Variants in MRPS35 observed in about 807,000 individuals in gnomAD.
MRPS35 encodes the protein mitochondrial ribosomal protein S35, also known as small ribosomal subunit protein mS35.
MRPS35 carries 29 observed loss-of-function variants against 32.7 expected under a neutral mutation model. That is an observed-to-expected ratio of 0.89 (90% CI 0.66 to 1.21). MRPS35 has a LOEUF of 1.21. Among genes scored for constraint, MRPS35 ranks in the 50% most tolerant of loss-of-function variants. The pLI is 0.00. For synonymous variants in MRPS35, 148 were observed against 139.3 expected (o/e 1.06, Z -0.44); for missense variants, 373 against 383.8 (o/e 0.97, Z 0.23).
In MRPS35 at chr12:27,716,398, G is replaced by A. The variant is rs1176276127; in HGVS notation, c.261G>A (p.Met87Ile). Residue 87 changes from methionine to isoleucine, a missense_variant, in exon 3 of 8, where the codon ATG becomes ATA. Transcript: ENST00000081029. ...CTGCAGTACCTCTTCCTGTTCGAAT[G>A]GGTTATCCAGTAAAAAAGGGCGTGC... ...KPSAVPLPVR[M>I]GYPVKKGVPM... 4 of 1,614,108 alleles carry A rather than the reference G, an allele frequency of 2.5e-6. No individual in the cohort carries two copies. The highest frequency in any genetic ancestry group is 2.2e-5 in the South Asian group (2 of 91,086).
At chr12:27,748,147 T>G (rs2061987454) in intron 7 of MRPS35, among the ~76,000 whole-genome samples, 1 of 152,240 alleles carries the variant, frequency 6.6e-6, no homozygotes, top group African/African-American at 2.4e-5. Context: ...CTCGATTGTG[T>G]TAAGCCCTTT....
chr12:27,716,331 A>G lies in MRPS35; in HGVS notation c.194A>G (p.Asp65Gly). 1 of 1,613,812 alleles carries G rather than the reference A, an allele frequency of 6.2e-7. No homozygotes were observed. Among genetic ancestry groups the G allele is most frequent in the South Asian group, 1.1e-5 (1 of 90,940 alleles). ...ACAGAGAAAATGGCTGTTGACCAGGACTGGCCTAGTGTTTACCCAGTTGCA... is the reference window on the plus strand; with the variant it reads ...ACAGAGAAAATGGCTGTTGACCAGGGCTGGCCTAGTGTTTACCCAGTTGCA... ...PRTEKMAVDQ[D>G]WPSVYPVAAP... Residue 65 changes from aspartate (D) to glycine (G), a missense_variant, in exon 3 of 8, where the codon GAC (aspartate) becomes GGC (glycine). Physicochemically the swap from Asp to Gly is moderately conservative, Grantham distance 94 (BLOSUM62 -1). Coordinates refer to ENST00000081029, the MANE Select transcript of MRPS35 (RefSeq NM_021821.4).
chr12:27,746,745 G>T (rs891974486), intron 7 of MRPS35, among the ~76,000 whole-genome samples: 1 of 152,146 alleles, frequency 6.6e-6, no homozygotes, highest in Non-Finnish European at 1.5e-5. Flanking sequence ...CCCACCCAGT[G>T]GCTGAAGTAA....
intron 7 of MRPS35, among the ~76,000 whole-genome samples, chr12:27,753,338 C>T (rs1308548377): frequency 6.6e-6 from 1 of 152,054 alleles, no homozygotes; most frequent in Non-Finnish European, 1.5e-5. Context: ...GTGATCTGAG[C>T]AGGGTTTGCT....
In MRPS35 at chr12:27,735,451, A is replaced by C. The variant is rs966378463; in HGVS notation, c.527A>C (p.Lys176Thr). ...PRARVVVLRV[K>T]LSSLNLDDHA... ...ATAACTTTTCTTATTTTTAAGGTAA[A>C]GCTTTCCAGTTTGAATTTAGATGAT... The change falls in exon 6 of 8, where the codon AAG (lysine) becomes ACG (threonine). Residue 176 changes from lysine to threonine, a missense_variant. Lys to Thr is a moderately conservative substitution (Grantham distance 78). Coordinates refer to ENST00000081029, the MANE Select transcript of MRPS35 (RefSeq NM_021821.4). 8.7e-6 allele frequency: 14 copies of C among 1,600,044 alleles called. No individual in the cohort carries two copies. Among genetic ancestry groups the C allele is most frequent in the Non-Finnish European group, 1.2e-5 (14 of 1,174,186 alleles).
At chr12:27,753,704 A>G (rs1311681737) in intron 7 of MRPS35, among the ~76,000 whole-genome samples, 1 of 149,822 alleles carries the variant, frequency 6.7e-6, no homozygotes, top group Non-Finnish European at 1.5e-5. Flanking sequence ...GAATATTATT[A>G]TGTGTTAATT....
At chr12:27,732,117 C>T (rs905745571) in intron 5 of MRPS35, among the ~76,000 whole-genome samples, 2 of 152,130 alleles carry the variant, frequency 1.3e-5, no homozygotes, top group African/African-American at 4.8e-5. Context: ...ACCTATTTTT[C>T]ATAATAATGG....
chr12:27,747,961 G>T (rs2061986892), intron 7 of MRPS35, among the ~76,000 whole-genome samples: 1 of 152,174 alleles, frequency 6.6e-6, no homozygotes. Flanking sequence ...GGCTTCAGCT[G>T]CCTGATCTGT....
chr12:27,715,951 G>A (rs1170487350), intron 2 of MRPS35, among the ~76,000 whole-genome samples: 2 of 152,022 alleles, frequency 1.3e-5, no homozygotes, highest in East Asian at 1.9e-4. Context: ...AAAGAAGTTC[G>A]AAAAATTATT....
At chr12:27,731,136 G>T (rs758162232) in intron 5 of MRPS35, among the ~76,000 whole-genome samples, 3 of 152,084 alleles carry the variant, frequency 2.0e-5, no homozygotes, top group Non-Finnish European at 4.4e-5. Context: ...ACTCTTTCCA[G>T]TGACTCTTCT....
At position 27,724,202 on chromosome 12, in the gene MRPS35, A is replaced by AT. The variant is rs751806500; in HGVS notation, c.522+28dup. 0.031 allele frequency: 35,017 copies of AT among 1,129,024 alleles called. 11 individuals carry two copies. The highest frequency in any genetic ancestry group is 0.033 in the Non-Finnish European group (27,603 of 831,674). The allele number at this position is 1,129,024 out of a possible 1,614,324, so 69.9% of individuals were successfully genotyped here. ...AGTCTTAAGAGTAAGAGTTTTTTTC[A>AT]TTTTTTTTTTTTAAATAAGAATCAT... On this transcript the variant is annotated intron_variant, in intron 5 of 7. Transcript: ENST00000081029.
chr12:27,711,000 G>T (rs754649683), intron 1 of MRPS35, 45 bp downstream of exon 1: 3 of 1,559,310 alleles, frequency 1.9e-6, no homozygotes, highest in South Asian at 2.3e-5. Context: ...GGAGGTGCAA[G>T]AGCGGAATAC....
rs1186802856 is a variant in MRPS35, at chr12:27,710,934, C to G, written c.91C>G (p.Pro31Ala). ...CTCCACTGCCGTCTACTCGGCCACTCCGGTCCCGACACCTAGCCTGCGTGA... is the reference window on the plus strand; with the variant it reads ...CTCCACTGCCGTCTACTCGGCCACTGCGGTCCCGACACCTAGCCTGCGTGA... Reference protein sequence around the residue: ...AFSTAVYSATPVPTPSLPERT... With the variant: ...AFSTAVYSATAVPTPSLPERT... Residue 31 changes from proline to alanine, a missense_variant, in exon 1 of 8, where the codon CCG (proline) becomes GCG (alanine). Coordinates refer to ENST00000081029, the MANE Select transcript of MRPS35 (RefSeq NM_021821.4). 1.2e-6 allele frequency: 2 copies of G among 1,613,108 alleles called. No individual in the cohort carries two copies. The highest frequency in any genetic ancestry group is 1.7e-6 in the Non-Finnish European group (2 of 1,179,848).
chr12:27,720,298 G>T (rs369346511), intron 4 of MRPS35, among the ~76,000 whole-genome samples: 13 of 151,862 alleles, frequency 8.6e-5, no homozygotes, highest in East Asian at 3.9e-4. Context: ...GGAGGCTGAG[G>T]CAGGAGAATC....
At chr12:27,713,305 G>T (rs1388451688) in intron 1 of MRPS35, among the ~76,000 whole-genome samples, 2 of 152,184 alleles carry the variant, frequency 1.3e-5, no homozygotes, top group Non-Finnish European at 2.9e-5. Flanking sequence ...CGTAGATGTA[G>T]GATAGGATAG....
At chr12:27,753,330 G>A (rs564798218) in intron 7 of MRPS35, among the ~76,000 whole-genome samples, 1 of 152,256 alleles carries the variant, frequency 6.6e-6, no homozygotes, top group South Asian at 2.1e-4. Context: ...TCGCCTCGGT[G>A]ATCTGAGCAG....
intron 5 of MRPS35, among the ~76,000 whole-genome samples, chr12:27,730,166 C>T (rs1220359060): frequency 6.6e-6 from 1 of 152,130 alleles, no homozygotes; most frequent in Non-Finnish European, 1.5e-5. Context: ...AAAGTCCCTA[C>T]TTTGTTCAGA....
At chr12:27,718,634 A>C (rs1182855701) in intron 3 of MRPS35, among the ~76,000 whole-genome samples, 1 of 152,260 alleles carries the variant, frequency 6.6e-6, no homozygotes, top group Non-Finnish European at 1.5e-5. Context: ...ATGATTCAGT[A>C]GCCTTTTAAT....
rs557470604 is a variant in MRPS35 at position 27,737,918 on chromosome 12, T to G, written c.702+310T>G. Reference sequence around the variant, plus strand: ...TTGTCAGCTATGAAGAGAATAATAATTATCTGTATAATTTGAGAATTTATA... The same window carrying G: ...TTGTCAGCTATGAAGAGAATAATAAGTATCTGTATAATTTGAGAATTTATA... On this transcript the variant is annotated intron_variant, in intron 7 of 7. Transcript: ENST00000081029. Among the ~76,000 whole-genome samples, 3 of 152,310 alleles carry G rather than the reference T, an allele frequency of 2.0e-5. No homozygotes were observed. In the South Asian group the frequency reaches 6.2e-4, roughly 32 times the overall value.
Sources: gnomAD v4.1 joint callset for allele counts (sites outside exome capture counted in the v4.1 genomes callset) on GRCh38, gnomAD v4.1.1 for gene constraint, MANE v1.5 for transcripts, NCBI Gene and HGNC (gene_info 2026-07-23, HGNC 2026-07-21) for gene names.